The following MET variants were observed in gnomAD, a reference collection of about 807,000 sequenced individuals.
The protein encoded by MET is hepatocyte growth factor receptor.
MET carries 48 observed loss-of-function variants against 133.1 expected under a neutral mutation model. The ratio of observed to expected loss-of-function variants is 0.36; its 90% CI spans 0.29 to 0.46. The LOEUF (loss-of-function observed/expected upper bound fraction) is 0.46. MET is among the 20% of genes least tolerant of loss of function. MET has a pLI of 1.00. For synonymous variants in MET, 628 were observed against 616.5 expected, an observed-to-expected ratio of 1.02 and a Z score of -0.28; for missense variants, 1,442 against 1,695.9, an observed-to-expected ratio of 0.85 and a Z score of 2.63.
chr7:116,701,031 A>G (rs1239326673), intron 2 of MET, among the ~76,000 whole-genome samples: 1 of 152,130 alleles, frequency 6.6e-6, no homozygotes, highest in South Asian at 2.1e-4. Flanking sequence ...AAGCATAAAT[A>G]TTTTGGTTGA....
chr7:116,700,432 G>A, intron 2 of MET, 148 bp downstream of exon 2: 1 of 809,710 alleles, frequency 1.2e-6, no homozygotes, highest in South Asian at 3.0e-5. Flanking sequence ...GAAAATTGAG[G>A]AATTGAATCT....
At chr7:116,732,525 G>T (rs1295905915) in intron 3 of MET, among the ~76,000 whole-genome samples, 6 of 152,148 alleles carry the variant, frequency 3.9e-5, no homozygotes, top group African/African-American at 1.4e-4. Context: ...CTCTCTTGTT[G>T]GGTTGGTTTT....
At chr7:116,716,470 AAAGAAAGAAAG>A (rs1390768627) in intron 2 of MET, among the ~76,000 whole-genome samples, 25 of 20,118 alleles carry the variant, frequency 1.2e-3, no homozygotes, top group African/African-American at 5.9e-3. Context: ...AAAGAAAGAG[AAAGAAAGAAAG>A]AAAGAAAGAA....
chr7:116,757,334 G>A (rs1794215480), intron 6 of MET, 103 bp from the exon 7 acceptor site: 2 of 893,084 alleles, frequency 2.2e-6, no homozygotes, highest in Non-Finnish European at 3.7e-6. Flanking sequence ...GCTATTCAAA[G>A]CAGTCAGCTC....
intron 2 of MET, among the ~76,000 whole-genome samples, chr7:116,714,648 T>C (rs1325795587): frequency 6.6e-6 from 1 of 152,122 alleles, no homozygotes. Context: ...TTTGCCAGGA[T>C]TGACAAACGA....
At chr7:116,716,680 A>G (rs1792252697) in intron 2 of MET, among the ~76,000 whole-genome samples, 2 of 152,230 alleles carry the variant, frequency 1.3e-5, no homozygotes, top group African/African-American at 2.4e-5. Flanking sequence ...AACATCATCA[A>G]TGGCGTATTC....
chr7:116,783,150 A>G (rs943544812), intron 18 of MET, among the ~76,000 whole-genome samples, 154 bp from the exon 19 acceptor site: 1 of 152,210 alleles, frequency 6.6e-6, no homozygotes, highest in Non-Finnish European at 1.5e-5. Context: ...ATTCTGTTGT[A>G]ATTTAGTGTT....
chr7:116,708,136 C>T (rs1286579416), intron 2 of MET, among the ~76,000 whole-genome samples: 1 of 152,112 alleles, frequency 6.6e-6, no homozygotes, highest in Non-Finnish European at 1.5e-5. Context: ...AACATTCAGT[C>T]ACACCAGTGA....
intron 11 of MET, among the ~76,000 whole-genome samples, chr7:116,766,329 A>G (rs919542193): frequency 6.6e-6 from 1 of 152,220 alleles, no homozygotes; most frequent in Non-Finnish European, 1.5e-5. Flanking sequence ...CAAACAGGAA[A>G]AAGAAGCACA....
intron 1 of MET, among the ~76,000 whole-genome samples, chr7:116,679,570 G>A (rs927547431): frequency 2.0e-5 from 3 of 152,108 alleles, no homozygotes; most frequent in Admixed American, 2.0e-4. Flanking sequence ...ACAGAAAAAG[G>A]GCAGGTCGCT....
intron 1 of MET, among the ~76,000 whole-genome samples, chr7:116,690,051 C>T (rs1796725028): frequency 6.6e-6 from 1 of 152,082 alleles, no homozygotes; most frequent in Non-Finnish European, 1.5e-5. Flanking sequence ...ACTATTTAAA[C>T]TTTAGATGAG....
At position 116,699,712 on chromosome 7, in the gene MET, C is replaced by T. The variant is rs983457211; in HGVS notation, c.628C>T (p.Pro210Ser). 2 of 1,614,010 alleles carry T rather than the reference C, an allele frequency of 1.2e-6. No individual in the cohort carries two copies. The highest frequency in any genetic ancestry group is 1.7e-6 in the Non-Finnish European group (2 of 1,179,958). Residue 210 changes from proline (P) to serine (S), a missense_variant, in exon 2 of 21, where the codon CCA becomes TCA. By Grantham distance (74) the Pro-to-Ser change is moderately conservative (BLOSUM62 -1). Around this residue, in one of 6 missense-constraint regions of MET, gnomAD observed 762 missense variants for 792.4 expected, o/e 0.96. Coordinates refer to ENST00000397752, the MANE Select transcript of MET (RefSeq NM_000245.4). ...TINSSYFPDH[P>S]LHSISVRRLK... ...AAATTCTTCTTATTTCCCAGATCAT[C>T]CATTGCATTCGATATCAGTGAGAAG...
At chr7:116,772,035 C>G (rs753722970) in intron 14 of MET, 46 bp downstream of exon 14, 1 of 1,601,114 alleles carries the variant, frequency 6.2e-7, no homozygotes, top group East Asian at 2.2e-5. Context: ...ACATATACCT[C>G]AGTGGGTTGT....
intron 10 of MET, among the ~76,000 whole-genome samples, chr7:116,760,891 C>T (rs1224163032): frequency 6.6e-6 from 1 of 152,048 alleles, no homozygotes; most frequent in African/African-American, 2.4e-5. Context: ...AGTTAGAGTA[C>T]CACTGCTATT....
At chr7:116,759,294 C>G in intron 9 of MET, 97 bp from the exon 10 acceptor site, 1 of 1,543,700 alleles carries the variant, frequency 6.5e-7, no homozygotes, top group Non-Finnish European at 8.8e-7. Context: ...TGCCTCTGAC[C>G]TGTAATCAGT....
intron 5 of MET, 45 bp downstream of exon 5, chr7:116,741,070 T>TA (rs776562646): frequency 4.7e-6 from 7 of 1,486,928 alleles, no homozygotes; most frequent in Non-Finnish European, 6.4e-6. Flanking sequence ...GTTTGGTGTT[T>TA]TTTTTTTTTT....
At chr7:116,744,887 C>T (rs1462389004) in intron 5 of MET, among the ~76,000 whole-genome samples, 1 of 152,198 alleles carries the variant, frequency 6.6e-6, no homozygotes, top group Non-Finnish European at 1.5e-5. Context: ...GATGCCCTCT[C>T]TCACCACTCC....
At chr7:116,750,175 C>A (rs2116881893) in intron 5 of MET, among the ~76,000 whole-genome samples, 1 of 151,954 alleles carries the variant, frequency 6.6e-6, no homozygotes, top group East Asian at 1.9e-4. Context: ...TACCTGACTT[C>A]AAACTATACT....
chr7:116,709,390 A>G (rs1244031166), intron 2 of MET, among the ~76,000 whole-genome samples: 7 of 152,200 alleles, frequency 4.6e-5, no homozygotes, highest in African/African-American at 1.7e-4. Flanking sequence ...AAAGAAATCT[A>G]TGTGTTCACA....
Sources: gnomAD v4.1 joint callset for allele counts (sites outside exome capture counted in the v4.1 genomes callset) on GRCh38, gnomAD v4.1.1 for gene constraint, gnomAD v4.1.1 regional missense constraint, MANE v1.5 for transcripts, NCBI Gene and HGNC (gene_info 2026-07-23, HGNC 2026-07-21) for gene names.